The following ZNF727 variants were observed in gnomAD, a reference collection of about 807,000 sequenced individuals.
ZNF727 encodes zinc finger protein 727, also known as putative zinc finger protein 727.
ZNF727 carries 11 observed loss-of-function variants against 11.5 expected under a neutral mutation model. The ratio of observed to expected loss-of-function variants is 0.95; its 90% CI spans 0.60 to 1.58. The LOEUF is 1.58. Among genes scored for constraint, ZNF727 ranks in the 40% most tolerant of loss-of-function variants. The pLI is 0.00. For synonymous variants in ZNF727, 171 were observed against 196.1 expected, an observed-to-expected ratio of 0.87 and a Z score of 1.07; for missense variants, 533 against 581.7, an observed-to-expected ratio of 0.92 and a Z score of 0.86.
chr7:64,065,957 G>C (rs1035846518), intron 1 of ZNF727, among the ~76,000 whole-genome samples: 2 of 152,206 alleles, frequency 1.3e-5, no homozygotes, highest in African/African-American at 2.4e-5. Flanking sequence ...GTTTGAGATT[G>C]TATCAGGTCC....
intron 1 of ZNF727, among the ~76,000 whole-genome samples, chr7:64,056,367 A>C (rs890509005): frequency 6.6e-6 from 1 of 152,202 alleles, no homozygotes; most frequent in African/African-American, 2.4e-5. Context: ...AGCAGGAGTG[A>C]AGATATAGAC....
At chr7:64,072,873 A>G (rs11770663) in intron 3 of ZNF727, among the ~76,000 whole-genome samples, 98,719 of 151,732 alleles carry the variant, frequency 0.65, 32,484 homozygotes, top group Admixed American at 0.72. Context: ...TTATGATAAA[A>G]GTCTCTTCTT....
intron 3 of ZNF727, among the ~76,000 whole-genome samples, chr7:64,073,500 T>G (rs1053450542): frequency 1.3e-5 from 2 of 152,032 alleles, no homozygotes; most frequent in Admixed American, 1.3e-4. Flanking sequence ...AGTATCATTA[T>G]TTTGACATCT....
At chr7:64,047,403 G>T (rs961315017) in intron 1 of ZNF727, among the ~76,000 whole-genome samples, 1 of 152,202 alleles carries the variant, frequency 6.6e-6, no homozygotes, top group African/African-American at 2.4e-5. Context: ...TAACAGGAAA[G>T]CAGAGAGTAA....
rs571085408 is a variant in ZNF727, at chr7:64,078,901, C to T, written c.*352C>T. Reference sequence around the variant, plus strand: ...AGATAATTCATATTGGAGAGAAACCCTACAAATGTAATGAATGTGGAAAAG... The same window carrying T: ...AGATAATTCATATTGGAGAGAAACCTTACAAATGTAATGAATGTGGAAAAG... On this transcript the variant is annotated 3_prime_UTR_variant, in exon 4 of 4. Coordinates refer to ENST00000456806, the MANE Select transcript of ZNF727 (RefSeq NM_001159522.3). 6.6e-6 allele frequency among the ~76,000 whole-genome samples: 1 copy of T among 151,450 alleles called. No individual in the cohort carries two copies. The highest frequency in any genetic ancestry group is 2.4e-5 in the African/African-American group (1 of 41,286).
chr7:64,051,010 T>C (rs1789590058), intron 1 of ZNF727, among the ~76,000 whole-genome samples: 2 of 152,206 alleles, frequency 1.3e-5, no homozygotes, highest in African/African-American at 4.8e-5. Context: ...TGATCACTAT[T>C]TAAAGCTGTA....
chr7:64,067,797 A>C (rs2116310257), intron 1 of ZNF727, among the ~76,000 whole-genome samples: 1 of 152,204 alleles, frequency 6.6e-6, no homozygotes, highest in East Asian at 1.9e-4. Context: ...TGTAGAGCTT[A>C]AAACCTCGAC....
At chr7:64,060,452 T>C (rs562568372) in intron 1 of ZNF727, among the ~76,000 whole-genome samples, 2 of 152,278 alleles carry the variant, frequency 1.3e-5, no homozygotes, top group East Asian at 3.9e-4. Context: ...CTATTTGTGA[T>C]ACACAGTCCC....
chr7:64,080,835 G>A lies in ZNF727; in HGVS notation c.*2286G>A, dbSNP rs1052835224. Among the ~76,000 whole-genome samples the A allele has an allele frequency of 1.3e-5, 2 of 151,732 alleles. No individual in the cohort carries two copies. The highest frequency in any genetic ancestry group is 4.8e-5 in the African/African-American group (2 of 41,294). The stretch of plus-strand genomic sequence containing the variant: ...TGAGTATTTGATTGTGGTAAAAGGT[G>A]GATTCAGCCAACAGGCTTTGTTCCT... On this transcript the variant is annotated 3_prime_UTR_variant, in exon 4 of 4. Transcript: ENST00000456806.
At chr7:64,069,072 C>CTTT in intron 2 of ZNF727, 55 bp downstream of exon 2, 1 of 1,214,114 alleles carries the variant, frequency 8.2e-7, no homozygotes, top group South Asian at 1.8e-5. Flanking sequence ...TTTATTTCCT[C>CTTT]TTTTTTTTTT....
rs1299304024 is a variant in ZNF727, at chr7:64,068,741, T to C, written c.4-150T>C. On this transcript the variant is annotated intron_variant, in intron 1 of 3. Transcript: ENST00000456806. ...ATTTTTTCTCAGAGTTAAAAATACATTAGAGAATATTTCTGTGCTAGAAAG... is the reference window on the plus strand; with the variant it reads ...ATTTTTTCTCAGAGTTAAAAATACACTAGAGAATATTTCTGTGCTAGAAAG... 17 of 944,666 alleles carry C rather than the reference T, an allele frequency of 1.8e-5. No individual in the cohort carries two copies. The Admixed American group carries it at 3.7e-4, about 21-fold the overall frequency. The allele number at this position is 944,666 out of a possible 1,614,324, so 58.5% of individuals were successfully genotyped here.
At chr7:64,071,855 G>C (rs1036462044) in intron 3 of ZNF727, among the ~76,000 whole-genome samples, 6 of 151,920 alleles carry the variant, frequency 3.9e-5, no homozygotes, top group African/African-American at 1.5e-4. Context: ...TTTCTGCACT[G>C]TGTGTTCTCT....
At chr7:64,048,783 G>A (rs113406358) in intron 1 of ZNF727, among the ~76,000 whole-genome samples, 4,344 of 152,210 alleles carry the variant, frequency 0.029, 77 homozygotes, top group South Asian at 0.058. Context: ...ATATGTTCAT[G>A]GGAAGTGACA....
intron 1 of ZNF727, among the ~76,000 whole-genome samples, chr7:64,051,813 C>G (rs1173732830): frequency 4.6e-5 from 7 of 152,124 alleles, no homozygotes; most frequent in Non-Finnish European, 1.0e-4. Flanking sequence ...TAGAATTTAG[C>G]CAGGCAAAAC....
intron 1 of ZNF727, 137 bp from the exon 2 acceptor site, chr7:64,068,754 C>A (rs1789910220): frequency 1.9e-6 from 2 of 1,032,580 alleles, no homozygotes; most frequent in Non-Finnish European, 1.4e-6. Flanking sequence ...GAGAATATTT[C>A]TGTGCTAGAA....
intron 1 of ZNF727, among the ~76,000 whole-genome samples, chr7:64,056,373 T>C (rs1789686951): frequency 6.6e-6 from 1 of 152,154 alleles, no homozygotes; most frequent in Non-Finnish European, 1.5e-5. Flanking sequence ...AGTGAAGATA[T>C]AGACATTTCT....
At chr7:64,058,637 T>A (rs1464303188) in intron 1 of ZNF727, among the ~76,000 whole-genome samples, 1 of 152,192 alleles carries the variant, frequency 6.6e-6, no homozygotes, top group East Asian at 1.9e-4. Context: ...CAAGTTAGTC[T>A]TTCTACTAAC....
In ZNF727 at chr7:64,081,163, G is replaced by A. The variant is rs1785785502; in HGVS notation, c.*2614G>A. On this transcript the variant is annotated 3_prime_UTR_variant, in exon 4 of 4. Coordinates refer to ENST00000456806, the MANE Select transcript of ZNF727 (RefSeq NM_001159522.3). ...AGTGGCAGGAGCAAAGCAGCTGGGA[G>A]GGGAGTGGGGGTTACCTGCTGGAGA... Among the ~76,000 whole-genome samples the A allele has an allele frequency of 1.3e-5, 2 of 152,102 alleles. No individual in the cohort carries two copies. The highest frequency in any genetic ancestry group is 4.2e-4 in the South Asian group (2 of 4,810).
In ZNF727 at chr7:64,078,140, A is replaced by T. The variant is rs546815191; in HGVS notation, c.1091A>T (p.Glu364Val). 16 of 1,599,608 alleles carry T rather than the reference A, an allele frequency of 1.0e-5. No individual in the cohort carries two copies. The South Asian group carries it at 1.7e-4, about 17-fold the overall frequency. The change falls in exon 4 of 4, where the codon GAA becomes GTA. Residue 364 changes from glutamate (E) to valine (V), a missense_variant. Physicochemically the swap from Glu to Val is moderately radical, Grantham distance 121. Around this residue, in one of 3 missense-constraint regions of ZNF727, gnomAD observed 463 missense variants for 494.5 expected, o/e 0.94. Coordinates refer to ENST00000456806, the MANE Select transcript of ZNF727 (RefSeq NM_001159522.3). The stretch of plus-strand genomic sequence containing the variant: ...ATTAGCCACAAGAGAATTCATATGG[A>T]ATTGAGACCTTACAAATGTGAAGAA... ...TLISHKRIHM[E>V]LRPYKCEECG...
Sources: gnomAD v4.1 joint callset for allele counts (sites outside exome capture counted in the v4.1 genomes callset) on GRCh38, gnomAD v4.1.1 for gene constraint, gnomAD v4.1.1 regional missense constraint, MANE v1.5 for transcripts, NCBI Gene and HGNC (gene_info 2026-07-23, HGNC 2026-07-21) for gene names.